TENM4: variants seen among roughly 807,000 people sequenced by gnomAD.
TENM4 encodes the protein teneurin-4.
TENM4 carries 82 observed loss-of-function variants against 243.3 expected under a neutral mutation model. The observed-to-expected ratio is 0.34, with a 90% CI of 0.28 to 0.40. The LOEUF (loss-of-function observed/expected upper bound fraction) is 0.40, where lower values mean the gene tolerates loss of function less well. Among genes scored for constraint, TENM4 ranks in the 10% least tolerant of loss-of-function variants. The pLI is 1.00. For synonymous variants in TENM4, 1,412 were observed against 1,456.3 expected (o/e 0.97, Z 0.69); for missense variants, 3,138 against 3,673.3 (o/e 0.85, Z 3.77).
intron 18 of TENM4, among the ~76,000 whole-genome samples, chr11:78,759,681 T>C (rs140318628): frequency 1.2e-4 from 18 of 152,318 alleles, no homozygotes; most frequent in African/African-American, 4.1e-4. Flanking sequence ...GTGATGGCGA[T>C]GATGATGATG....
chr11:79,216,800 C>A (rs1864059340), intron 2 of TENM4, among the ~76,000 whole-genome samples: 1 of 152,172 alleles, frequency 6.6e-6, no homozygotes, highest in African/African-American at 2.4e-5. Flanking sequence ...AAATAAATTT[C>A]TTTTCTTTAT....
At chr11:78,830,717 C>T (rs1162059498) in intron 12 of TENM4, among the ~76,000 whole-genome samples, 2 of 152,186 alleles carry the variant, frequency 1.3e-5, no homozygotes, top group Non-Finnish European at 2.9e-5. Flanking sequence ...GCTTTCCTCT[C>T]AGACCCTGGG....
intron 6 of TENM4, among the ~76,000 whole-genome samples, chr11:78,978,227 T>C (rs1450967016): frequency 6.6e-6 from 1 of 151,906 alleles, no homozygotes; most frequent in Non-Finnish European, 1.5e-5. Flanking sequence ...AGGGGAGGGA[T>C]AGCATTAGGA....
At chr11:78,944,134 C>G (rs956375799) in intron 6 of TENM4, among the ~76,000 whole-genome samples, 8 of 152,176 alleles carry the variant, frequency 5.3e-5, no homozygotes, top group African/African-American at 1.9e-4. Flanking sequence ...CCAGTGTCAT[C>G]ACTAGTGAGA....
intron 3 of TENM4, among the ~76,000 whole-genome samples, chr11:79,164,404 GA>G (rs957162097): frequency 7.6e-6 from 1 of 131,886 alleles, no homozygotes; most frequent in African/African-American, 2.9e-5. Context: ...AGATATACTA[GA>G]ATATATATAG....
At chr11:78,767,096 G>A (rs1256931754) in intron 18 of TENM4, among the ~76,000 whole-genome samples, 3 of 152,146 alleles carry the variant, frequency 2.0e-5, no homozygotes, top group Admixed American at 6.5e-5. Context: ...AGAGTAACCC[G>A]GAGATCTTAG....
At chr11:79,318,492 T>C (rs925485754) in intron 1 of TENM4, among the ~76,000 whole-genome samples, 2 of 152,202 alleles carry the variant, frequency 1.3e-5, no homozygotes, top group African/African-American at 4.8e-5. Flanking sequence ...GCTTGATTTG[T>C]AGTGTTTGCT....
intron 12 of TENM4, among the ~76,000 whole-genome samples, chr11:78,817,222 G>A (rs1408182162): frequency 6.6e-6 from 1 of 151,708 alleles, no homozygotes. Flanking sequence ...AGGTGGAGGT[G>A]GCGGCATTTA....
intron 3 of TENM4, among the ~76,000 whole-genome samples, chr11:79,196,518 C>A (rs554739898): frequency 1.3e-5 from 2 of 152,128 alleles, no homozygotes; most frequent in Non-Finnish European, 2.9e-5. Context: ...CCCGACCTAT[C>A]GGGGTGTTGT....
intron 6 of TENM4, among the ~76,000 whole-genome samples, chr11:79,016,977 G>C (rs1015187115): frequency 6.6e-6 from 1 of 152,212 alleles, no homozygotes; most frequent in Admixed American, 6.5e-5. Context: ...GGGACTATAA[G>C]ACCTATCTCC....
intron 12 of TENM4, among the ~76,000 whole-genome samples, chr11:78,834,178 A>T (rs1431322302): frequency 1.3e-5 from 2 of 152,260 alleles, no homozygotes; most frequent in Admixed American, 1.3e-4. Context: ...ATTTATGGGA[A>T]TTTTAACTTT....
At chr11:79,286,586 T>C (rs1201501830) in intron 2 of TENM4, among the ~76,000 whole-genome samples, 4 of 151,890 alleles carry the variant, frequency 2.6e-5, no homozygotes, top group African/African-American at 9.7e-5. Flanking sequence ...GGAGAATTGA[T>C]TGAACCCAGG....
chr11:79,335,619 G>A (rs1234174793), intron 1 of TENM4, among the ~76,000 whole-genome samples: 1 of 152,204 alleles, frequency 6.6e-6, no homozygotes, highest in Admixed American at 6.5e-5. Flanking sequence ...GTATGGGAGT[G>A]ACTCTATAAG....
At chr11:79,227,592 A>T (rs1381565655) in intron 2 of TENM4, among the ~76,000 whole-genome samples, 2 of 152,188 alleles carry the variant, frequency 1.3e-5, no homozygotes, top group Non-Finnish European at 2.9e-5. Context: ...AGGTGGGGCC[A>T]CTGTGAGACT....
At chr11:79,289,942 C>A (rs912781593) in intron 2 of TENM4, among the ~76,000 whole-genome samples, 1 of 151,232 alleles carries the variant, frequency 6.6e-6, no homozygotes, top group African/African-American at 2.4e-5. Flanking sequence ...AAGTTTCTAC[C>A]TTTTTTCTTT....
intron 12 of TENM4, among the ~76,000 whole-genome samples, chr11:78,826,872 C>A (rs892329347): frequency 1.3e-5 from 2 of 152,148 alleles, no homozygotes; most frequent in Non-Finnish European, 2.9e-5. Context: ...TCATTTAGGG[C>A]AGGCCCAGAC....
At chr11:78,886,328 A>G (rs1022758559) in intron 9 of TENM4, among the ~76,000 whole-genome samples, 1 of 152,166 alleles carries the variant, frequency 6.6e-6, no homozygotes, top group African/African-American at 2.4e-5. Context: ...AGCTGAGACA[A>G]TTAATTTGAT....
chr11:78,978,131 CT>C lies in TENM4; in HGVS notation c.494-74609del, dbSNP rs1457319955. Among the ~76,000 whole-genome samples the C allele has an allele frequency of 2.3e-3, 344 of 152,180 alleles. 4 individuals are homozygous for C. The highest frequency in any genetic ancestry group is 7.5e-3 in the African/African-American group (312 of 41,510). On this transcript the variant is annotated intron_variant, in intron 6 of 33. Transcript: ENST00000278550. ...AGAAAACCAAACACCCATATTCTCACTCATAAGTGGGGGTTGAACAATGAGA... is the reference window on the plus strand; with the variant it reads ...AGAAAACCAAACACCCATATTCTCACCATAAGTGGGGGTTGAACAATGAGA...
At chr11:79,272,637 A>G (rs763500393) in intron 2 of TENM4, among the ~76,000 whole-genome samples, 1 of 151,840 alleles carries the variant, frequency 6.6e-6, no homozygotes, top group African/African-American at 2.4e-5. Context: ...AGTTTCTCCA[A>G]CCAAGCCACA....
Sources: gnomAD v4.1 joint callset for allele counts (sites outside exome capture counted in the v4.1 genomes callset) on GRCh38, gnomAD v4.1.1 for gene constraint, MANE v1.5 for transcripts, NCBI Gene and HGNC (gene_info 2026-07-23, HGNC 2026-07-21) for gene names.